The following RPS6KA2 variants were observed in gnomAD, a reference collection of about 807,000 sequenced individuals.
RPS6KA2 encodes ribosomal protein S6 kinase alpha-2.
RPS6KA2 carries 42 observed loss-of-function variants against 91.8 expected under a neutral mutation model. The ratio of observed to expected loss-of-function variants is 0.46; its 90% CI spans 0.36 to 0.59. The LOEUF (loss-of-function observed/expected upper bound fraction) is 0.59, where lower values mean the gene tolerates loss of function less well. Among genes scored for constraint, RPS6KA2 ranks in the 20% least tolerant of loss-of-function variants. The pLI is 0.00. For missense variants in RPS6KA2, 798 were observed against 978.5 expected (o/e 0.82, Z 2.46); for synonymous variants, 414 against 393.6 (o/e 1.05, Z -0.61).
intron 2 of RPS6KA2, among the ~76,000 whole-genome samples, chr6:166,641,588 T>A (rs994208756): frequency 1.3e-5 from 2 of 151,030 alleles, no homozygotes; most frequent in African/African-American, 4.9e-5. Context: ...GCCAGTGTAG[T>A]GGTGCATGCC....
chr6:166,496,116 C>T (rs992388833), intron 8 of RPS6KA2, among the ~76,000 whole-genome samples: 1 of 152,134 alleles, frequency 6.6e-6, no homozygotes, highest in South Asian at 2.1e-4. Flanking sequence ...TTCTGGAGGC[C>T]GAGGCTGGCA....
chr6:166,509,233 G>C (rs1043153954), intron 4 of RPS6KA2: 4 of 166,786 alleles, frequency 2.4e-5, no homozygotes, highest in African/African-American at 9.6e-5. Flanking sequence ...TGGAGGTGCT[G>C]GGTCACCACT....
chr6:166,550,892 T>A (rs926856361), intron 1 of RPS6KA2, among the ~76,000 whole-genome samples: 1 of 150,202 alleles, frequency 6.7e-6, no homozygotes, highest in East Asian at 2.0e-4. Flanking sequence ...TCCCAGCTAC[T>A]CGGGAGGCTG....
intron 1 of RPS6KA2, among the ~76,000 whole-genome samples, chr6:166,565,386 G>A (rs61045375): frequency 0.033 from 4,959 of 152,334 alleles, 278 homozygotes; most frequent in African/African-American, 0.11. Context: ...GACTGACTGA[G>A]CTCATCAGAC....
At chr6:166,430,175 G>A (rs1779071326) in intron 16 of RPS6KA2, among the ~76,000 whole-genome samples, 1 of 151,678 alleles carries the variant, frequency 6.6e-6, no homozygotes, top group South Asian at 2.1e-4. Context: ...TCACCATGTT[G>A]GCTAGGCTGG....
In RPS6KA2 at chr6:166,493,276, G is replaced by T. The variant is rs142734146; in HGVS notation, c.748-2535C>A. On this transcript the variant is annotated intron_variant, in intron 8 of 20. Transcript: ENST00000265678. The surrounding 1 kb of genome is among the most constrained non-coding windows in gnomAD (Gnocchi z 4.7). ...GGTGTGGACTTTGCAGCCTCCACCA[G>T]CCATGGGGTTCTGCTGCCTTTCCCA... 3.5e-3 allele frequency among the ~76,000 whole-genome samples: 527 copies of T among 152,254 alleles called. 7 individuals are homozygous for T. Among genetic ancestry groups the T allele is most frequent in the South Asian group, 0.032 (152 of 4,814 alleles).
At chr6:166,461,295 G>A (rs1780279382) in intron 11 of RPS6KA2, among the ~76,000 whole-genome samples, 1 of 152,092 alleles carries the variant, frequency 6.6e-6, no homozygotes. Flanking sequence ...GTGAGGCACA[G>A]GACAGGTGGG....
chr6:166,507,386 A>C (rs1400276029), intron 5 of RPS6KA2, among the ~76,000 whole-genome samples: 1 of 150,894 alleles, frequency 6.6e-6, no homozygotes, highest in East Asian at 2.0e-4. Flanking sequence ...ACACACACAC[A>C]CACCCACCCC....
At chr6:166,532,112 AGTATG>A (rs1453247852) in intron 2 of RPS6KA2, among the ~76,000 whole-genome samples, 2 of 152,258 alleles carry the variant, frequency 1.3e-5, no homozygotes, top group African/African-American at 4.8e-5. Context: ...CTGCCCATGC[AGTATG>A]GCTGGAGGGC....
chr6:166,586,883 C>G (rs534031146), intron 1 of RPS6KA2, among the ~76,000 whole-genome samples: 10 of 152,330 alleles, frequency 6.6e-5, no homozygotes, highest in African/African-American at 2.4e-4. Context: ...ACTGGGGCTC[C>G]CCTCAGCTGC....
At chr6:166,786,907 A>G (rs1274301030) in intron 2 of RPS6KA2, among the ~76,000 whole-genome samples, 1 of 152,166 alleles carries the variant, frequency 6.6e-6, no homozygotes, top group African/African-American at 2.4e-5. Flanking sequence ...AGAAAAGTAC[A>G]AGAGGCCCGA....
chr6:166,811,637 T>A (rs1266245627), intron 2 of RPS6KA2, among the ~76,000 whole-genome samples: 2 of 152,102 alleles, frequency 1.3e-5, no homozygotes, highest in Non-Finnish European at 2.9e-5. Flanking sequence ...AAAAACAAAA[T>A]AAAAATAAAA....
At chr6:166,720,524 A>T (rs1259952885) in intron 2 of RPS6KA2, among the ~76,000 whole-genome samples, 1 of 152,222 alleles carries the variant, frequency 6.6e-6, no homozygotes, top group Non-Finnish European at 1.5e-5. Context: ...CACCACCTAG[A>T]AATCTCTCCC....
chr6:166,648,197 T>TAC lies in RPS6KA2; in HGVS notation c.124-109415_124-109414dup, dbSNP rs776111208. Among the ~76,000 whole-genome samples the TAC allele has an allele frequency of 4.6e-5, 3 of 65,800 alleles. No individual in the cohort carries two copies. The South Asian group carries it at 1.7e-3, about 38-fold the overall frequency. 43.2% of individuals were successfully genotyped at this position (65,800 alleles called of 152,430 possible). Reference sequence around the variant, plus strand: ...GCTCACACACATGCACACATGCTCATACACACACTCATGCACACACACGCA... The same window carrying TAC: ...GCTCACACACATGCACACATGCTCATACACACACACTCATGCACACACACGCA... On this transcript the variant is annotated intron_variant, in intron 2 of 21. Transcript: ENST00000503859. The surrounding 1 kb of genome is among the most constrained non-coding windows in gnomAD (Gnocchi z 4.8).
intron 1 of RPS6KA2, among the ~76,000 whole-genome samples, chr6:166,564,251 C>T (rs1400233973): frequency 2.0e-5 from 3 of 152,216 alleles, no homozygotes; most frequent in African/African-American, 7.2e-5. Flanking sequence ...ATCAAGAGTG[C>T]CCAGAACATC....
chr6:166,802,940 G>GTATA (rs1416795565), intron 2 of RPS6KA2, among the ~76,000 whole-genome samples: 7 of 147,856 alleles, frequency 4.7e-5, no homozygotes, highest in East Asian at 2.2e-4. Context: ...ATATGTGTGT[G>GTATA]TGTGTATATA....
chr6:166,783,376 A>C (rs1237672662), intron 2 of RPS6KA2, among the ~76,000 whole-genome samples: 1 of 152,074 alleles, frequency 6.6e-6, no homozygotes, highest in African/African-American at 2.4e-5. Flanking sequence ...CTGTCTTCAG[A>C]CAGCCTTGAG....
At chr6:166,714,338 T>C (rs1286060039) in intron 2 of RPS6KA2, among the ~76,000 whole-genome samples, 2 of 152,104 alleles carry the variant, frequency 1.3e-5, no homozygotes, top group Non-Finnish European at 2.9e-5. Context: ...TTGTTTCGGG[T>C]CCTGGGAAGA....
chr6:166,445,933 T>C lies in RPS6KA2; in HGVS notation c.1332+2791A>G, dbSNP rs1172135916. Among the ~76,000 whole-genome samples, 3 of 152,222 alleles carry C rather than the reference T, an allele frequency of 2.0e-5. No homozygotes were observed. Among genetic ancestry groups the C allele is most frequent in the Admixed American group, 6.5e-5 (1 of 15,286 alleles). The stretch of plus-strand genomic sequence containing the variant: ...CTGCCACATGCTTAGTTCTGGGTCA[T>C]GTTAGAAGTCACCGAACTTTGCTGT... On this transcript the variant is annotated intron_variant, in intron 14 of 20. Transcript: ENST00000265678. The surrounding 1 kb of genome is among the most constrained non-coding windows in gnomAD (Gnocchi z 4.5).
Sources: gnomAD v4.1 joint callset for allele counts (sites outside exome capture counted in the v4.1 genomes callset) on GRCh38, gnomAD v4.1.1 for gene constraint, Gnocchi (gnomAD v3.1) non-coding constraint, MANE v1.5 for transcripts, NCBI Gene and HGNC (gene_info 2026-07-23, HGNC 2026-07-21) for gene names.